Variants in GRIK1 observed in about 807,000 individuals in gnomAD.
GRIK1 encodes glutamate ionotropic receptor kainate type subunit 1, also known as glutamate receptor ionotropic, kainate 1.
GRIK1 carries 69 observed loss-of-function variants against 105.7 expected under a neutral mutation model. The ratio of observed to expected loss-of-function variants is 0.65; its 90% CI spans 0.54 to 0.80. The LOEUF is 0.80. Among genes scored for constraint, GRIK1 ranks in the 30% least tolerant of loss-of-function variants. The pLI is 0.00. For missense variants in GRIK1, 1,109 were observed against 1,167.3 expected (o/e 0.95, Z 0.73); for synonymous variants, 438 against 431.3 (o/e 1.02, Z -0.19).
intron 16 of GRIK1, among the ~76,000 whole-genome samples, chr21:29,552,474 T>C (rs2090151668): frequency 6.6e-6 from 1 of 152,132 alleles, no homozygotes; most frequent in South Asian, 2.1e-4. Context: ...GTAACTAATG[T>C]GTATGGACAT....
chr21:29,709,171 C>T (rs1475811492), intron 1 of GRIK1, among the ~76,000 whole-genome samples: 1 of 151,830 alleles, frequency 6.6e-6, no homozygotes, highest in East Asian at 1.9e-4. Context: ...CTGGACTCTT[C>T]TGTTCCATTG....
At chr21:29,585,362 T>G (rs140155689) in intron 12 of GRIK1, among the ~76,000 whole-genome samples, 5 of 152,236 alleles carry the variant, frequency 3.3e-5, no homozygotes, top group African/African-American at 7.2e-5. Context: ...ATGACATACA[T>G]AAGGAGATTT....
intron 1 of GRIK1, among the ~76,000 whole-genome samples, chr21:29,884,005 G>A (rs2069519314): frequency 1.3e-5 from 2 of 151,960 alleles, no homozygotes; most frequent in South Asian, 2.1e-4. Context: ...GATGCTTTAT[G>A]TAATCTATTG....
chr21:29,804,447 TA>T (rs889970458), intron 1 of GRIK1, among the ~76,000 whole-genome samples: 35 of 150,420 alleles, frequency 2.3e-4, no homozygotes, highest in South Asian at 1.0e-3. Flanking sequence ...CAACTCCAAT[TA>T]AAAAAAAAAA....
In GRIK1 at chr21:29,884,785, A is replaced by G. The variant is rs552661204; in HGVS notation, c.118+54598T>C. 3.5e-4 allele frequency among the ~76,000 whole-genome samples: 53 copies of G among 152,064 alleles called. 1 individual carries two copies. The South Asian group carries it at 7.9e-3, about 23-fold the overall frequency. ...CTTGACTAGTTAAAACTGACACTAAACCTCTTAATTTTAATCTCTCACTAT... is the reference window on the plus strand; with the variant it reads ...CTTGACTAGTTAAAACTGACACTAAGCCTCTTAATTTTAATCTCTCACTAT... On this transcript the variant is annotated intron_variant, in intron 1 of 17. Transcript: ENST00000327783.
At chr21:29,699,594 GT>G (rs969827580) in intron 1 of GRIK1, among the ~76,000 whole-genome samples, 9 of 151,502 alleles carry the variant, frequency 5.9e-5, no homozygotes, top group African/African-American at 2.2e-4. Flanking sequence ...TTGTTTGTTT[GT>G]TTTTTTGTGT....
intron 1 of GRIK1, among the ~76,000 whole-genome samples, chr21:29,888,039 G>A (rs778152294): frequency 4.0e-5 from 6 of 151,514 alleles, no homozygotes; most frequent in Non-Finnish European, 8.8e-5. Context: ...CTAGAAATGA[G>A]GGGCCTGCTT....
intron 1 of GRIK1, among the ~76,000 whole-genome samples, chr21:29,888,199 C>CTTTCTTTCTTTCTTTCTTTCTTTCTT (rs1391865067): frequency 1.0e-3 from 16 of 15,816 alleles, no homozygotes; most frequent in Non-Finnish European, 1.3e-3. Flanking sequence ...CTTTCTTTCT[C>CTTTCTTTCTTTCTTTCTTTCTTTCTT]TCTCTCTCTC....
intron 1 of GRIK1, among the ~76,000 whole-genome samples, chr21:29,695,191 A>G (rs2063671944): frequency 6.6e-6 from 1 of 152,148 alleles, no homozygotes. Context: ...TGCTTGAGAC[A>G]TTGATGTTTG....
intron 7 of GRIK1, among the ~76,000 whole-genome samples, chr21:29,615,310 C>T (rs917344336): frequency 8.7e-5 from 13 of 149,596 alleles, no homozygotes; most frequent in Non-Finnish European, 1.5e-4. Flanking sequence ...TCCTTTTTTT[C>T]TTTCTTTCTT....
intron 1 of GRIK1, among the ~76,000 whole-genome samples, chr21:29,899,306 G>A (rs759544081): frequency 6.6e-6 from 1 of 152,186 alleles, no homozygotes; most frequent in African/African-American, 2.4e-5. Context: ...CAGTCCTGGA[G>A]CACCTAGGAT....
At chr21:29,935,093 C>T (rs745384573) in intron 1 of GRIK1, among the ~76,000 whole-genome samples, 1 of 152,142 alleles carries the variant, frequency 6.6e-6, no homozygotes, top group Non-Finnish European at 1.5e-5. Context: ...ACAGGCAACT[C>T]TCCTCTGAGT....
chr21:29,709,493 C>T (rs141883171), intron 1 of GRIK1, among the ~76,000 whole-genome samples: 3,527 of 151,982 alleles, frequency 0.023, 143 homozygotes, highest in African/African-American at 0.08. Flanking sequence ...GTTGGCCAGG[C>T]TGGTCTCGAA....
At chr21:29,570,016 T>A (rs1158076372) in intron 14 of GRIK1, among the ~76,000 whole-genome samples, 51 of 152,132 alleles carry the variant, frequency 3.4e-4, no homozygotes, top group Admixed American at 3.3e-3. Flanking sequence ...CTGACTGATC[T>A]TTGCATCTCC....
At position 29,727,967 on chromosome 21, in the gene GRIK1, A is replaced by G. The variant is rs1188986852; in HGVS notation, c.119-33904T>C. On this transcript the variant is annotated intron_variant, in intron 1 of 17. Transcript: ENST00000327783. ...AGAAGAGGGATGTCTCAACTCAAGC[A>G]GACAGCAGATCCGCCCTCCCTCTAC... is the stretch of plus-strand genomic sequence containing the variant. Among the ~76,000 whole-genome samples, 3 of 152,200 alleles carry G rather than the reference A, an allele frequency of 2.0e-5. No individual in the cohort carries two copies. In the East Asian group the frequency reaches 5.8e-4, roughly 29 times the overall value.
At chr21:29,769,825 A>G (rs2065769410) in intron 1 of GRIK1, among the ~76,000 whole-genome samples, 2 of 152,084 alleles carry the variant, frequency 1.3e-5, no homozygotes, top group Non-Finnish European at 2.9e-5. Flanking sequence ...TAACATCTTG[A>G]TTTCAGCCTT....
At chr21:29,825,029 A>T (rs2067412876) in intron 1 of GRIK1, among the ~76,000 whole-genome samples, 1 of 152,048 alleles carries the variant, frequency 6.6e-6, no homozygotes, top group African/African-American at 2.4e-5. Flanking sequence ...AATGTTTAAT[A>T]TATTATTGTG....
At chr21:29,717,329 C>G (rs2064202920) in intron 1 of GRIK1, among the ~76,000 whole-genome samples, 1 of 152,204 alleles carries the variant, frequency 6.6e-6, no homozygotes, top group Admixed American at 6.5e-5. Context: ...CCTCCAGACC[C>G]CAGGATGATA....
intron 1 of GRIK1, among the ~76,000 whole-genome samples, chr21:29,926,937 G>A (rs2071389796): frequency 6.6e-6 from 1 of 152,112 alleles, no homozygotes; most frequent in Non-Finnish European, 1.5e-5. Flanking sequence ...AATCCTTCGA[G>A]GTTAATTGGA....
Sources: allele counts gnomAD v4.1 joint callset (sites outside exome capture counted in the v4.1 genomes callset), GRCh38; gene constraint gnomAD v4.1.1; transcripts MANE v1.5; gene names NCBI Gene and HGNC (gene_info 2026-07-23, HGNC 2026-07-21).